The following TMEM87A variants were observed in gnomAD, a reference collection of about 807,000 sequenced individuals.
TMEM87A encodes transmembrane protein 87A.
In TMEM87A, 50 loss-of-function variants were observed where a neutral mutation model predicts 90.0. The ratio of observed to expected loss-of-function variants is 0.56; its 90% CI spans 0.44 to 0.70. The LOEUF is 0.70. Among genes scored for constraint, TMEM87A ranks in the 30% least tolerant of loss-of-function variants. The pLI is 0.00. For synonymous variants in TMEM87A, 226 were observed against 226.7 expected (o/e 1.00, Z 0.03); for missense variants, 577 against 660.5 (o/e 0.87, Z 1.39).
chr15:42,239,265 T>C (rs1369700040), intron 8 of TMEM87A, among the ~76,000 whole-genome samples: 4 of 152,166 alleles, frequency 2.6e-5, no homozygotes, highest in Non-Finnish European at 4.4e-5. Flanking sequence ...GGTCTCAAAC[T>C]CCTGACCTCA....
chr15:42,249,384 T>C (rs1212713267), intron 6 of TMEM87A, among the ~76,000 whole-genome samples: 1 of 152,210 alleles, frequency 6.6e-6, no homozygotes, highest in African/African-American at 2.4e-5. Flanking sequence ...AGGGTGTCGA[T>C]TTTAGATCTT....
At chr15:42,246,569 T>A (rs1433350843) in intron 6 of TMEM87A, among the ~76,000 whole-genome samples, 1 of 152,144 alleles carries the variant, frequency 6.6e-6, no homozygotes, top group African/African-American at 2.4e-5. Flanking sequence ...CCTCGAGAGT[T>A]TGCTCAGAAT....
rs1370106409 is a variant in TMEM87A, at chr15:42,226,359, A to G, written c.1403+447T>C. Among the ~76,000 whole-genome samples, 4 of 149,498 alleles carry G rather than the reference A, an allele frequency of 2.7e-5. No homozygotes were observed. The East Asian group carries it at 5.8e-4, about 22-fold the overall frequency. ...AAAGTGTTTTTAAATTAACGTGCAT[A>G]TATTTTTTAGACATAATGCTATTGC... On this transcript the variant is annotated intron_variant, in intron 15 of 19. Coordinates refer to ENST00000389834, the MANE Select transcript of TMEM87A (RefSeq NM_015497.5).
chr15:42,258,602 T>C (rs1464594887), intron 6 of TMEM87A: 1 of 574,824 alleles, frequency 1.7e-6, no homozygotes, highest in Admixed American at 5.5e-5. Context: ...AATTTTTGTA[T>C]TTTTAGTAAA....
chr15:42,243,041 C>T (rs974492430), intron 7 of TMEM87A, among the ~76,000 whole-genome samples: 27 of 151,918 alleles, frequency 1.8e-4, no homozygotes, highest in African/African-American at 6.3e-4. Context: ...CCAAGGCAGG[C>T]GGATCACAAG....
Position 42,220,149 on chromosome 15 carries a change from A to G in TMEM87A, c.1404-14T>C. On this transcript the variant is annotated splice_polypyrimidine_tract_variant and intron_variant, in intron 15 of 19. Transcript: ENST00000389834. ...GAAAAGGCAAACCTAACAGAACCAAAGTGAACAGAAGGAAAAAATTAGAAA... is the reference window on the plus strand; with the variant it reads ...GAAAAGGCAAACCTAACAGAACCAAGGTGAACAGAAGGAAAAAATTAGAAA... 1.3e-6 allele frequency: 2 copies of G among 1,577,456 alleles called. No homozygotes were observed. The highest frequency in any genetic ancestry group is 1.7e-6 in the Non-Finnish European group (2 of 1,169,420).
intron 8 of TMEM87A, among the ~76,000 whole-genome samples, chr15:42,239,130 G>A (rs2050827427): frequency 6.6e-6 from 1 of 152,132 alleles, no homozygotes; most frequent in Non-Finnish European, 1.5e-5. Flanking sequence ...AGAAGCCTCT[G>A]TCTCCTGGGT....
intron 6 of TMEM87A, among the ~76,000 whole-genome samples, chr15:42,254,710 G>C (rs577624995): frequency 2.0e-5 from 3 of 152,330 alleles, no homozygotes; most frequent in African/African-American, 7.2e-5. Flanking sequence ...GGGGAAGGGA[G>C]AGATGAACAG....
At position 42,237,631 on chromosome 15, in the gene TMEM87A, G is replaced by A. The variant is rs886191487; in HGVS notation, c.685-16C>T. 69 of 1,545,414 alleles carry A rather than the reference G, an allele frequency of 4.5e-5. No individual in the cohort carries two copies. Among genetic ancestry groups the A allele is most frequent in the Non-Finnish European group, 5.9e-5 (67 of 1,143,222 alleles). On this transcript the variant is annotated splice_polypyrimidine_tract_variant and intron_variant, in intron 8 of 19. Coordinates refer to ENST00000389834, the MANE Select transcript of TMEM87A (RefSeq NM_015497.5). ...CCATGAAAAACTGTTATCAAATTGG[G>A]TAAAAGATAAAAAGGAGAATTAGGG... is the stretch of plus-strand genomic sequence containing the variant.
At chr15:42,223,022 TAAG>T (rs765904812) in intron 15 of TMEM87A, among the ~76,000 whole-genome samples, 1 of 152,166 alleles carries the variant, frequency 6.6e-6, no homozygotes, top group Non-Finnish European at 1.5e-5. Flanking sequence ...ATAAAAATCA[TAAG>T]ATTATTAACT....
intron 6 of TMEM87A, among the ~76,000 whole-genome samples, chr15:42,252,082 C>T (rs1595737128): frequency 1.3e-5 from 2 of 152,216 alleles, no homozygotes; most frequent in African/African-American, 4.8e-5. Flanking sequence ...CCTGGTGTGC[C>T]GTTTGCTAAG....
At chr15:42,272,942 TAAAC>T (rs746584923) in intron 1 of TMEM87A, 390 of 538,698 alleles carry the variant, frequency 7.2e-4, no homozygotes, top group Non-Finnish European at 1.1e-3. Flanking sequence ...ATCTGAAAGA[TAAAC>T]AACTCTCCGT....
chr15:42,260,209 C>CAA (rs869189964), intron 6 of TMEM87A, among the ~76,000 whole-genome samples: 1 of 152,046 alleles, frequency 6.6e-6, no homozygotes, highest in Non-Finnish European at 1.5e-5. Context: ...CCAACCCCCA[C>CAA]AAAAAATTTT....
upstream of TMEM87A, chr15:42,273,481 G>A: frequency 1.3e-6 from 2 of 1,572,610 alleles, no homozygotes; most frequent in Non-Finnish European, 1.7e-6. Flanking sequence ...CTCTAAGGGC[G>A]GGATTATCCG....
At chr15:42,229,010 C>A (rs539180711) in intron 12 of TMEM87A, among the ~76,000 whole-genome samples, 190 bp from the exon 13 acceptor site, 5 of 152,032 alleles carry the variant, frequency 3.3e-5, no homozygotes, top group East Asian at 3.9e-4. Flanking sequence ...ATTTTATTTT[C>A]TTTTCCTTTT....
intron 1 of TMEM87A, among the ~76,000 whole-genome samples, chr15:42,272,360 A>T (rs989523536): frequency 3.9e-5 from 6 of 152,248 alleles, no homozygotes; most frequent in Non-Finnish European, 8.8e-5. Flanking sequence ...AAAAGACTTA[A>T]CTATTAACCA....
intron 2 of TMEM87A, 42 bp from the exon 3 acceptor site, chr15:42,268,074 A>G (rs1157138624): frequency 6.4e-7 from 1 of 1,556,680 alleles, no homozygotes; most frequent in Middle Eastern, 1.7e-4. Flanking sequence ...ATAATTCCCC[A>G]ACAAAGCATT....
At chr15:42,216,877 A>C (rs1418935301) in intron 19 of TMEM87A, among the ~76,000 whole-genome samples, 3 of 152,142 alleles carry the variant, frequency 2.0e-5, no homozygotes, top group Non-Finnish European at 4.4e-5. Context: ...AAAAACAAAC[A>C]AACAAAAACT....
At chr15:42,235,018 C>T (rs1320230645) in intron 10 of TMEM87A, among the ~76,000 whole-genome samples, 1 of 152,144 alleles carries the variant, frequency 6.6e-6, no homozygotes, top group Non-Finnish European at 1.5e-5. Context: ...GTGACCAAAT[C>T]CAGTCTCATG....
Sources: allele counts gnomAD v4.1 joint callset (sites outside exome capture counted in the v4.1 genomes callset), GRCh38; gene constraint gnomAD v4.1.1; transcripts MANE v1.5; gene names NCBI Gene and HGNC (gene_info 2026-07-23, HGNC 2026-07-21).